The following PRELID3A variants were observed in gnomAD, a reference collection of about 807,000 sequenced individuals.
PRELID3A encodes the protein PRELI domain containing 3A, also known as PRELI domain containing protein 3A.
Under a neutral mutation model 23.0 loss-of-function variants are expected in PRELID3A, and 27 were observed. That is an observed-to-expected ratio of 1.17 (90% confidence interval 0.87 to 1.62). PRELID3A has a LOEUF of 1.62. PRELID3A is among the 40% of genes most tolerant of loss of function. PRELID3A has a pLI of 0.00. For missense variants in PRELID3A, 231 were observed against 231.4 expected (o/e 1.00, Z 0.01); for synonymous variants, 87 against 86.4 (o/e 1.01, Z -0.04).
At chr18:12,412,674 A>G (rs1428297896) in intron 1 of PRELID3A, among the ~76,000 whole-genome samples, 1 of 152,000 alleles carries the variant, frequency 6.6e-6, no homozygotes, top group Non-Finnish European at 1.5e-5. Context: ...TCTATTTCCC[A>G]CTCAATCAAG....
intron 1 of PRELID3A, among the ~76,000 whole-genome samples, chr18:12,414,910 T>A (rs186613891): frequency 4.6e-4 from 70 of 152,200 alleles, no homozygotes; most frequent in African/African-American, 1.5e-3. Context: ...TACTATCTTG[T>A]TTTTGGCTGC....
chr18:12,430,842 G>T (rs1234171413), intron 6 of PRELID3A, among the ~76,000 whole-genome samples: 4 of 150,258 alleles, frequency 2.7e-5, no homozygotes, highest in Non-Finnish European at 5.9e-5. Flanking sequence ...TGGTATGGGT[G>T]CATGTGTGTG....
intron 1 of PRELID3A, among the ~76,000 whole-genome samples, chr18:12,411,114 A>G (rs530467893): frequency 4.9e-4 from 74 of 152,250 alleles, no homozygotes; most frequent in African/African-American, 1.8e-3. Context: ...ACAAAAACAG[A>G]GAGCCCGGGG....
At chr18:12,412,769 G>A (rs923151790) in intron 1 of PRELID3A, among the ~76,000 whole-genome samples, 2 of 152,006 alleles carry the variant, frequency 1.3e-5, no homozygotes, top group Non-Finnish European at 2.9e-5. Context: ...TGCTTATGTG[G>A]GTTATGTCTG....
intron 1 of PRELID3A, among the ~76,000 whole-genome samples, chr18:12,413,091 T>G (rs1182099890): frequency 3.3e-5 from 5 of 152,176 alleles, no homozygotes; most frequent in African/African-American, 1.2e-4. Context: ...AGTAGTCTTT[T>G]TAAGTAATTA....
At chr18:12,408,040 TC>T (rs1909778183) in intron 1 of PRELID3A, 33 bp downstream of exon 1, 3 of 1,247,904 alleles carry the variant, frequency 2.4e-6, no homozygotes, top group Non-Finnish European at 2.0e-6. Flanking sequence ...GGTGGGGCCG[TC>T]CAGACGCCGG....
intron 3 of PRELID3A, 47 bp downstream of exon 3, chr18:12,421,676 G>T (rs762511390): frequency 7.5e-7 from 1 of 1,325,310 alleles, no homozygotes; most frequent in East Asian, 2.3e-5. Flanking sequence ...TGTCTGGGTG[G>T]TGGTGCGTAA....
chr18:12,408,724 G>A (rs1909809446), intron 1 of PRELID3A, among the ~76,000 whole-genome samples: 1 of 152,094 alleles, frequency 6.6e-6, no homozygotes, highest in Admixed American at 6.6e-5. Context: ...GATGTGGAGA[G>A]TGGAACGTCA....
At position 12,407,955 on chromosome 18, in the gene PRELID3A, C is replaced by T. The variant is rs1279972519; in HGVS notation, c.-21C>T. ...AAGCACCCGGCCCGGATCGCAGAGC[C>T]CGCGCCCTGCGCCGGCGGCAATGAA... is the stretch of plus-strand genomic sequence containing the variant. On this transcript the variant is annotated 5_prime_UTR_variant, in exon 1 of 7. Coordinates refer to ENST00000440960, the MANE Select transcript of PRELID3A (RefSeq NM_001142405.2). The T allele has an allele frequency of 7.7e-6, 10 of 1,294,434 alleles. No individual in the cohort carries two copies. The Admixed American group carries it at 1.6e-4, about 21-fold the overall frequency. The allele number at this position is 1,294,434 out of a possible 1,614,324, so 80.2% of individuals were successfully genotyped here. A position where few individuals can be genotyped will look rare whatever the true frequency, so the allele number is the denominator to read the frequency against.
intron 2 of PRELID3A, among the ~76,000 whole-genome samples, chr18:12,420,821 C>T (rs1289026130): frequency 6.8e-6 from 1 of 146,568 alleles, no homozygotes; most frequent in African/African-American, 2.5e-5. Flanking sequence ...GGGGGGTCTT[C>T]CTCGAGATCG....
chr18:12,417,918 A>G (rs934738759), intron 1 of PRELID3A, among the ~76,000 whole-genome samples: 1 of 152,244 alleles, frequency 6.6e-6, no homozygotes, highest in South Asian at 2.1e-4. Context: ...AAAACTGAAC[A>G]TAAGTGTTCT....
Position 12,421,625 on chromosome 18 carries a change from C to A in PRELID3A, c.287C>A (p.Thr96Asn). 6.2e-7 allele frequency: 1 copy of A among 1,607,308 alleles called. No individual in the cohort carries two copies. The highest frequency in any genetic ancestry group is 8.5e-7 in the Non-Finnish European group (1 of 1,174,036). ...PVEKKMELCS[T>N]NITLTNLVSV... is the part of the protein sequence containing the mutation. ...GAAAAGAAAATGGAACTTTGTTCTA[C>A]CAATGTAAGCAATGGCCTCAGATGA... is the stretch of plus-strand genomic sequence containing the variant. Residue 96 changes from threonine (T) to asparagine (N), a missense_variant, in exon 3 of 7, where the codon ACC becomes AAC. Physicochemically the swap from Thr to Asn is moderately conservative, Grantham distance 65. Transcript: ENST00000440960.
rs150928266 is a variant in PRELID3A at position 12,420,424 on chromosome 18, C to T, written c.132C>T (p.Asp44=). Residue 44 remains aspartate (D), a synonymous_variant, in exon 2 of 7, where the codon GAC becomes GAT. Transcript: ENST00000440960. ...LGVDVLQRRV[D]GRGRLHSLRL... The stretch of plus-strand genomic sequence containing the variant: ...TGGATGTGCTACAGCGCCGCGTGGA[C>T]GGCCGCGGCCGCCTGCACAGCTTGC... 0.022 allele frequency: 35,163 copies of T among 1,589,326 alleles called. 472 individuals are homozygous for T. Among genetic ancestry groups the T allele is most frequent in the Non-Finnish European group, 0.024 (27,955 of 1,168,982 alleles).
intron 1 of PRELID3A, among the ~76,000 whole-genome samples, chr18:12,410,167 G>C (rs1206092888): frequency 6.6e-6 from 1 of 152,232 alleles, no homozygotes; most frequent in Non-Finnish European, 1.5e-5. Context: ...TAGAGTGTCA[G>C]TATTTCATTT....
rs762158112 is a variant in PRELID3A, at chr18:12,427,312, A to C, written c.454A>C (p.Asn152His). Residue 152 changes from asparagine to histidine, a missense_variant, in exon 5 of 7, where the codon AAT becomes CAT. Coordinates refer to ENST00000440960, the MANE Select transcript of PRELID3A (RefSeq NM_001142405.2). ...ESLMANTISS[N>H]AKKGWAAIEW... ...TTTAATGGCCAATACGATATCATCC[A>C]ATGCAAAGAAGGTATGTATCTCAAT... 6.2e-7 allele frequency: 1 copy of C among 1,608,874 alleles called. No homozygotes were observed. The highest frequency in any genetic ancestry group is 8.5e-7 in the Non-Finnish European group (1 of 1,175,222).
intron 3 of PRELID3A, among the ~76,000 whole-genome samples, chr18:12,424,045 A>G (rs2030279987): frequency 1.3e-5 from 2 of 152,174 alleles, no homozygotes; most frequent in Admixed American, 6.5e-5. Flanking sequence ...GATAGAGCCT[A>G]GCTCCTTAGT....
intron 5 of PRELID3A, among the ~76,000 whole-genome samples, chr18:12,429,053 C>T (rs552237212): frequency 6.6e-6 from 1 of 152,252 alleles, no homozygotes; most frequent in East Asian, 1.9e-4. Flanking sequence ...GCTTTCCTGG[C>T]CTCCTGGGGC....
At chr18:12,418,303 G>A (rs1475347735) in intron 1 of PRELID3A, among the ~76,000 whole-genome samples, 1 of 152,142 alleles carries the variant, frequency 6.6e-6, no homozygotes, top group Admixed American at 6.6e-5. Flanking sequence ...CACCATAGAG[G>A]ACTGGTGAAA....
chr18:12,420,092 G>C, intron 1 of PRELID3A: 1 of 1,404,676 alleles, frequency 7.1e-7, no homozygotes. Context: ...GCGACAGAGT[G>C]AGACCCTGTC....
Sources: gnomAD v4.1 joint callset for allele counts (sites outside exome capture counted in the v4.1 genomes callset) on GRCh38, gnomAD v4.1.1 for gene constraint, MANE v1.5 for transcripts, NCBI Gene and HGNC (gene_info 2026-07-23, HGNC 2026-07-21) for gene names.